The following TEX9 variants were observed in gnomAD, a reference collection of about 807,000 sequenced individuals.
TEX9 encodes testis expressed 9.
In TEX9, 74 loss-of-function variants were observed where a neutral mutation model predicts 59.6. The observed-to-expected ratio is 1.24, with a 90% confidence interval of 1.03 to 1.51. The LOEUF is 1.51. TEX9 is among the 40% of genes most tolerant of loss of function. TEX9 has a pLI of 0.00. For missense variants in TEX9, 522 were observed against 447.8 expected (o/e 1.17, Z -1.49); for synonymous variants, 186 against 152.2 (o/e 1.22, Z -1.64).
intron 1 of TEX9, among the ~76,000 whole-genome samples, chr15:56,357,638 C>A (rs2077361101): frequency 6.6e-6 from 1 of 152,054 alleles, no homozygotes; most frequent in South Asian, 2.1e-4. Flanking sequence ...ATAATTTTTT[C>A]AGATATGTTA....
intron 1 of TEX9, among the ~76,000 whole-genome samples, chr15:56,272,582 C>G (rs1596057402): frequency 6.6e-6 from 1 of 152,116 alleles, no homozygotes; most frequent in East Asian, 1.9e-4. Flanking sequence ...TCATGTACAG[C>G]TTTTTGTGTG....
intron 1 of TEX9, among the ~76,000 whole-genome samples, chr15:56,248,388 C>T (rs2043917186): frequency 2.0e-5 from 3 of 152,130 alleles, no homozygotes; most frequent in Admixed American, 2.0e-4. Context: ...CCTAACTATT[C>T]AAATACTGTC....
chr15:56,410,649 C>T (rs1048024409), intron 9 of TEX9, among the ~76,000 whole-genome samples: 1 of 152,114 alleles, frequency 6.6e-6, no homozygotes, highest in African/African-American at 2.4e-5. Flanking sequence ...CCCCACACCT[C>T]CCAAGAAGAG....
At chr15:56,339,607 G>C (rs933162381) in intron 1 of TEX9, among the ~76,000 whole-genome samples, 13 of 152,146 alleles carry the variant, frequency 8.5e-5, no homozygotes, top group African/African-American at 3.1e-4. Flanking sequence ...CAGCAGAGTA[G>C]CTGCAATTAG....
At chr15:56,342,914 G>A (rs189673489) in intron 1 of TEX9, among the ~76,000 whole-genome samples, 76 of 152,216 alleles carry the variant, frequency 5.0e-4, no homozygotes, top group Admixed American at 9.8e-4. Context: ...AGAAAGAAGA[G>A]AACATTAATC....
the TEX9 span, among the ~76,000 whole-genome samples, chr15:56,457,912 C>T: frequency 6.6e-6 from 1 of 151,946 alleles, no homozygotes; most frequent in East Asian, 1.9e-4. Flanking sequence ...ATTTAAAAAC[C>T]TGTATACAAA....
Position 56,299,996 on chromosome 15 carries a change from G to A in TEX9, c.-107+55718G>A, listed in dbSNP as rs147472155. Among the ~76,000 whole-genome samples, 581 of 152,228 alleles carry A rather than the reference G, an allele frequency of 3.8e-3. 7 individuals are homozygous for A. Among genetic ancestry groups the A allele is most frequent in the Middle Eastern group, 0.034 (10 of 294 alleles). ...CTGCTTGTGGAAAGGAGAGAAAAGA[G>A]TAAAGGAGACTTTGTCTTTCAGCTT... On this transcript the variant is annotated intron_variant, in intron 1 of 5. Transcript: ENST00000560827.
chr15:56,430,288 C>A (rs12443402), intron 12 of TEX9, among the ~76,000 whole-genome samples, 134 bp downstream of exon 12: 6,686 of 152,292 alleles, frequency 0.044, 219 homozygotes, highest in Admixed American at 0.086. Context: ...GTCACTGCAG[C>A]TTCAACTTTC....
chr15:56,339,720 G>A (rs2141824593), intron 1 of TEX9, among the ~76,000 whole-genome samples: 1 of 152,176 alleles, frequency 6.6e-6, no homozygotes, highest in African/African-American at 2.4e-5. Flanking sequence ...TAGTGTGATG[G>A]TATTAGGAGG....
At chr15:56,339,434 C>G (rs1321157074) in intron 1 of TEX9, among the ~76,000 whole-genome samples, 2 of 138,404 alleles carry the variant, frequency 1.4e-5, no homozygotes, top group Non-Finnish European at 3.0e-5. Context: ...AACTTAGCCC[C>G]TGGGCAAAAC....
intron 1 of TEX9, among the ~76,000 whole-genome samples, chr15:56,297,741 G>A (rs1204576622): frequency 1.3e-5 from 2 of 152,210 alleles, no homozygotes; most frequent in Non-Finnish European, 2.9e-5. Flanking sequence ...CTGCCATCAG[G>A]CAATCCACCC....
intron 9 of TEX9, 116 bp from the exon 10 acceptor site, chr15:56,412,186 G>GTGTGTT: frequency 1.1e-6 from 1 of 892,344 alleles, no homozygotes; most frequent in Non-Finnish European, 1.7e-6. Flanking sequence ...GTGTGTGTGT[G>GTGTGTT]TGTGTGTAAA....
At chr15:56,327,549 G>A (rs540975566) in intron 1 of TEX9, among the ~76,000 whole-genome samples, 6 of 152,212 alleles carry the variant, frequency 3.9e-5, no homozygotes, top group East Asian at 1.9e-4. Flanking sequence ...AAAATCAAGC[G>A]AGTACTAACA....
At chr15:56,372,390 A>G (rs996300894) in intron 2 of TEX9, among the ~76,000 whole-genome samples, 2 of 152,130 alleles carry the variant, frequency 1.3e-5, no homozygotes, top group African/African-American at 2.4e-5. Flanking sequence ...GAAAAACAAG[A>G]TATCTAATTT....
intron 10 of TEX9, among the ~76,000 whole-genome samples, chr15:56,424,183 G>A (rs1567140068): frequency 6.6e-6 from 1 of 152,060 alleles, no homozygotes; most frequent in Non-Finnish European, 1.5e-5. Flanking sequence ...ATATATAATT[G>A]TATCTATCTT....
At chr15:56,246,652 C>G (rs2043864945) in intron 1 of TEX9, among the ~76,000 whole-genome samples, 1 of 152,124 alleles carries the variant, frequency 6.6e-6, no homozygotes, top group South Asian at 2.1e-4. Context: ...TTTCTCTGAG[C>G]ATCATTTTGA....
intron 7 of TEX9, among the ~76,000 whole-genome samples, chr15:56,391,895 A>ATTT (rs746815159): frequency 3.5e-4 from 54 of 152,164 alleles, no homozygotes; most frequent in Non-Finnish European, 6.9e-4. Context: ...AAACAATCAA[A>ATTT]TGAGTGTTCT....
At chr15:56,321,592 C>T (rs1438087102) in intron 1 of TEX9, among the ~76,000 whole-genome samples, 1 of 152,102 alleles carries the variant, frequency 6.6e-6, no homozygotes, top group Non-Finnish European at 1.5e-5. Context: ...TAGCAGGAAC[C>T]TGACAAACTA....
chr15:56,458,832 A>G, the TEX9 span, among the ~76,000 whole-genome samples: 1 of 152,112 alleles, frequency 6.6e-6, no homozygotes, highest in African/African-American at 2.4e-5. Context: ...TGGATGTATC[A>G]CAGTTTATCC....
Sources: allele counts gnomAD v4.1 joint callset (sites outside exome capture counted in the v4.1 genomes callset), GRCh38; gene constraint gnomAD v4.1.1; transcripts MANE v1.5; gene names NCBI Gene and HGNC (gene_info 2026-07-23, HGNC 2026-07-21).